The following FSTL5 variants were observed in gnomAD, a reference collection of about 807,000 sequenced individuals.
FSTL5 encodes follistatin like 5, also known as follistatin-related protein 5.
FSTL5 carries 62 observed loss-of-function variants against 89.1 expected under a neutral mutation model. The observed-to-expected ratio is 0.70, with a 90% confidence interval of 0.57 to 0.86. The LOEUF is 0.86. Among genes scored for constraint, FSTL5 ranks in the 40% least tolerant of loss-of-function variants. FSTL5 has a pLI of 0.00. For synonymous variants in FSTL5, 383 were observed against 346.2 expected, an observed-to-expected ratio of 1.11 and a Z score of -1.18; for missense variants, 1,057 against 1,001.6, an observed-to-expected ratio of 1.06 and a Z score of -0.75.
At chr4:161,868,076 A>T (rs904485165) in intron 4 of FSTL5, among the ~76,000 whole-genome samples, 7 of 152,028 alleles carry the variant, frequency 4.6e-5, no homozygotes, top group African/African-American at 1.7e-4. Flanking sequence ...TATAAAGATA[A>T]CCAATTTAGA....
chr4:161,923,763 C>A (rs1239480730), intron 3 of FSTL5, among the ~76,000 whole-genome samples: 1 of 151,484 alleles, frequency 6.6e-6, no homozygotes, highest in African/African-American at 2.4e-5. Flanking sequence ...CACAATATTT[C>A]CCATATTTTC....
At chr4:162,017,423 AATT>A (rs942054446) in intron 3 of FSTL5, among the ~76,000 whole-genome samples, 22 of 152,314 alleles carry the variant, frequency 1.4e-4, no homozygotes, top group Middle Eastern at 3.4e-3. Flanking sequence ...ATCATACTAA[AATT>A]ATTATAAATG....
At chr4:161,432,665 A>C in intron 15 of FSTL5, among the ~76,000 whole-genome samples, 1 of 151,934 alleles carries the variant, frequency 6.6e-6, no homozygotes. Context: ...AATATAAATA[A>C]AAGTAACAAA....
intron 3 of FSTL5, among the ~76,000 whole-genome samples, chr4:161,963,136 A>T (rs1399246706): frequency 1.3e-5 from 2 of 152,010 alleles, no homozygotes; most frequent in African/African-American, 4.8e-5. Context: ...ACACCTGGCA[A>T]AATAAGAATA....
intron 3 of FSTL5, among the ~76,000 whole-genome samples, chr4:161,970,934 G>A (rs1175262636): frequency 1.3e-5 from 2 of 151,972 alleles, no homozygotes; most frequent in African/African-American, 4.8e-5. Flanking sequence ...TACCTGGTAT[G>A]TATTCTATTT....
At chr4:161,392,890 G>A (rs1405000253) in intron 15 of FSTL5, among the ~76,000 whole-genome samples, 1 of 152,102 alleles carries the variant, frequency 6.6e-6, no homozygotes, top group Non-Finnish European at 1.5e-5. Context: ...AAGGCCGGGC[G>A]CAGTGGCTCA....
chr4:161,712,163 G>C (rs551303070), intron 6 of FSTL5, among the ~76,000 whole-genome samples: 1 of 152,084 alleles, frequency 6.6e-6, no homozygotes, highest in African/African-American at 2.4e-5. Context: ...TTCCTTTTTG[G>C]GGGTAGAAAT....
chr4:161,828,409 C>G (rs755945030), intron 4 of FSTL5, among the ~76,000 whole-genome samples: 1 of 152,152 alleles, frequency 6.6e-6, no homozygotes, highest in Non-Finnish European at 1.5e-5. Context: ...AGTAAAAGTT[C>G]TAGATGTATG....
chr4:161,579,544 C>T (rs904715616), intron 8 of FSTL5, among the ~76,000 whole-genome samples: 4 of 151,634 alleles, frequency 2.6e-5, no homozygotes, highest in African/African-American at 9.7e-5. Flanking sequence ...ATGGTGAAAC[C>T]CCCTCTCCAT....
intron 4 of FSTL5, among the ~76,000 whole-genome samples, chr4:161,840,032 T>C (rs1036591381): frequency 5.9e-5 from 9 of 152,298 alleles, no homozygotes; most frequent in Middle Eastern, 3.4e-3. Context: ...AAAAGTATGA[T>C]GTTACAAAAG....
chr4:161,485,815 A>G (rs1729658601), intron 12 of FSTL5, among the ~76,000 whole-genome samples: 1 of 152,176 alleles, frequency 6.6e-6, no homozygotes, highest in African/African-American at 2.4e-5. Flanking sequence ...GGAAGATGTG[A>G]AACTAAAGCA....
intron 10 of FSTL5, among the ~76,000 whole-genome samples, chr4:161,528,150 TGGGGGGA>T (rs376353435): frequency 0.39 from 24,322 of 61,902 alleles, 5,108 homozygotes; most frequent in Middle Eastern, 0.55. Flanking sequence ...TGTTGTGGGG[TGGGGGGA>T]GGGGGGAGGG....
chr4:161,964,793 C>A (rs1212745096), intron 3 of FSTL5, among the ~76,000 whole-genome samples: 1 of 151,958 alleles, frequency 6.6e-6, no homozygotes, highest in African/African-American at 2.4e-5. Context: ...TTTTTGGCTT[C>A]TATATGTAAC....
chr4:162,137,112 C>G (rs1490656084), intron 1 of FSTL5, among the ~76,000 whole-genome samples: 2 of 151,992 alleles, frequency 1.3e-5, no homozygotes, highest in Non-Finnish European at 2.9e-5. Flanking sequence ...AACTTTTTCT[C>G]AGCTATTTTC....
intron 8 of FSTL5, among the ~76,000 whole-genome samples, chr4:161,550,402 T>C (rs1174353733): frequency 6.6e-6 from 1 of 151,910 alleles, no homozygotes; most frequent in African/African-American, 2.4e-5. Flanking sequence ...TCCTAGTATT[T>C]CTGTGCCTGC....
intron 14 of FSTL5, among the ~76,000 whole-genome samples, chr4:161,458,049 G>T (rs1026453079): frequency 1.3e-5 from 2 of 152,190 alleles, no homozygotes; most frequent in Admixed American, 1.3e-4. Context: ...TGAAGATGCA[G>T]TGTGAGCGTC....
chr4:161,558,857 A>T, intron 8 of FSTL5, among the ~76,000 whole-genome samples: 1 of 151,426 alleles, frequency 6.6e-6, no homozygotes, highest in East Asian at 2.0e-4. Flanking sequence ...CTCCCAACCA[A>T]CCCCAATCCA....
chr4:161,920,697 C>A, intron 3 of FSTL5, 45 bp from the exon 4 acceptor site: 1 of 1,535,878 alleles, frequency 6.5e-7, no homozygotes, highest in Non-Finnish European at 8.9e-7. Flanking sequence ...TTCATTTGTC[C>A]AAATAATATA....
At chr4:161,946,370 A>T (rs1734734083) in intron 3 of FSTL5, among the ~76,000 whole-genome samples, 1 of 152,188 alleles carries the variant, frequency 6.6e-6, no homozygotes, top group Non-Finnish European at 1.5e-5. Context: ...TTAAGCAGTG[A>T]GCAAATCCAC....
Sources: allele counts gnomAD v4.1 joint callset (sites outside exome capture counted in the v4.1 genomes callset), GRCh38; gene constraint gnomAD v4.1.1; transcripts MANE v1.5; gene names NCBI Gene and HGNC (gene_info 2026-07-23, HGNC 2026-07-21).